The following DRG1 variants were observed in gnomAD, a reference collection of about 807,000 sequenced individuals.
DRG1 encodes the protein developmentally-regulated GTP-binding protein 1.
A neutral mutation model predicts 38.8 loss-of-function variants in DRG1; 19 were observed. The observed-to-expected ratio is 0.49, with a 90% CI of 0.34 to 0.72. The LOEUF (loss-of-function observed/expected upper bound fraction) is 0.72, where lower values mean the gene tolerates loss of function less well. DRG1 is among the 30% of genes least tolerant of loss of function. The pLI is 0.01. For missense variants in DRG1, 299 were observed against 444.8 expected, an observed-to-expected ratio of 0.67 and a Z score of 2.95; for synonymous variants, 167 against 157.5, an observed-to-expected ratio of 1.06 and a Z score of -0.45.
intron 2 of DRG1, 118 bp downstream of exon 2, chr22:31,400,861 C>T (rs1245041168): frequency 8.1e-7 from 1 of 1,228,920 alleles, no homozygotes; most frequent in East Asian, 3.2e-5. Flanking sequence ...GCCTGCAATC[C>T]TAGCATGCTG....
chr22:31,412,307 C>A (rs1198880977), intron 4 of DRG1, among the ~76,000 whole-genome samples: 3 of 149,986 alleles, frequency 2.0e-5, no homozygotes, highest in African/African-American at 7.3e-5. Context: ...CAAACTAATT[C>A]TTGGTTTGGG....
Position 31,433,911 on chromosome 22 carries a change from G to T in DRG1, c.1044G>T (p.Gln348His). 1 of 1,614,092 alleles carries T rather than the reference G, an allele frequency of 6.2e-7. No homozygotes were observed. Among genetic ancestry groups the T allele is most frequent in the African/African-American group, 1.3e-5 (1 of 75,050 alleles). The change falls in exon 9 of 9, where the codon CAG becomes CAT. Residue 348 changes from glutamine to histidine, a missense_variant. By Grantham distance (24) the Gln-to-His change is conservative. Around this residue, in one of 3 missense-constraint regions of DRG1, gnomAD observed 198 missense variants for 268.1 expected, o/e 0.74. Coordinates refer to ENST00000331457, the MANE Select transcript of DRG1 (RefSeq NM_004147.4). ...VWGLSVKHNP[Q>H]KVGKDHTLED... is the part of the protein sequence containing the mutation. ...GTCTCTCTGTGAAACACAATCCTCAGAAAGTGGGTAAAGACCATACGTTGG... is the reference window on the plus strand; with the variant it reads ...GTCTCTCTGTGAAACACAATCCTCATAAAGTGGGTAAAGACCATACGTTGG...
intron 3 of DRG1, among the ~76,000 whole-genome samples, chr22:31,405,830 AG>A (rs745750565): frequency 1.6e-4 from 24 of 151,910 alleles, no homozygotes; most frequent in Non-Finnish European, 3.1e-4. Flanking sequence ...CTGGGATTAC[AG>A]GTGCCCACCA....
intron 3 of DRG1, among the ~76,000 whole-genome samples, chr22:31,409,333 C>T (rs981760629): frequency 3.3e-5 from 5 of 152,074 alleles, no homozygotes; most frequent in Non-Finnish European, 7.3e-5. Context: ...AATCTGCCTG[C>T]TTCGGCCTCT....
chr22:31,420,244 C>A lies in DRG1; in HGVS notation c.413-12C>A. The A allele has an allele frequency of 6.2e-7, 1 of 1,605,210 alleles. No individual in the cohort carries two copies. The highest frequency in any genetic ancestry group is 1.7e-5 in the Admixed American group (1 of 58,234). Reference sequence around the variant, plus strand: ...TGAACTTTCTTGCGTATGTTTTTTTCTTACTCTTCAGTGGCCCGAACCTGT... The same window carrying A: ...TGAACTTTCTTGCGTATGTTTTTTTATTACTCTTCAGTGGCCCGAACCTGT... On this transcript the variant is annotated splice_polypyrimidine_tract_variant and intron_variant, in intron 4 of 8. Coordinates refer to ENST00000331457, the MANE Select transcript of DRG1 (RefSeq NM_004147.4).
intron 7 of DRG1, 44 bp downstream of exon 7, chr22:31,426,826 A>G (rs1229816072): frequency 3.8e-6 from 6 of 1,594,458 alleles, no homozygotes; most frequent in Non-Finnish European, 5.1e-6. Context: ...GGAATTAACC[A>G]GACTGTCCTA....
chr22:31,429,975 C>T (rs2050130443), intron 8 of DRG1, among the ~76,000 whole-genome samples: 1 of 152,068 alleles, frequency 6.6e-6, no homozygotes. Context: ...CAATGTTGCC[C>T]AGGCTTCTCA....
intron 4 of DRG1, among the ~76,000 whole-genome samples, chr22:31,416,947 C>T (rs1444790320): frequency 1.3e-5 from 2 of 151,698 alleles, no homozygotes; most frequent in Non-Finnish European, 2.9e-5. Context: ...CTTCTGTAGT[C>T]CCAGCTGTTC....
rs371158350 is a variant in DRG1 at position 31,413,089 on chromosome 22, T to G, written c.412+2008T>G. Among the ~76,000 whole-genome samples, 25 of 152,166 alleles carry G rather than the reference T, an allele frequency of 1.6e-4. No individual in the cohort carries two copies. The East Asian group carries it at 3.5e-3, about 21-fold the overall frequency. ...GAATGCTGGACTTCTGGGTTTATAATTTTCTTAATTTTCTTTTTTTATAAA... is the reference window on the plus strand; with the variant it reads ...GAATGCTGGACTTCTGGGTTTATAAGTTTCTTAATTTTCTTTTTTTATAAA... On this transcript the variant is annotated intron_variant, in intron 4 of 8. Coordinates refer to ENST00000331457, the MANE Select transcript of DRG1 (RefSeq NM_004147.4).
chr22:31,407,970 A>C (rs1047286258), intron 3 of DRG1, among the ~76,000 whole-genome samples: 10 of 149,164 alleles, frequency 6.7e-5, no homozygotes, highest in African/African-American at 1.7e-4. Context: ...AAAATACACA[A>C]AAAAAATTAG....
At chr22:31,433,125 G>A (rs1309260185) in intron 8 of DRG1, among the ~76,000 whole-genome samples, 1 of 151,926 alleles carries the variant, frequency 6.6e-6, no homozygotes, top group East Asian at 1.9e-4. Context: ...GGCTGAAGAG[G>A]GAGGCCCTAA....
chr22:31,405,214 G>A (rs545841376), intron 3 of DRG1, among the ~76,000 whole-genome samples: 2 of 151,428 alleles, frequency 1.3e-5, no homozygotes, highest in African/African-American at 4.8e-5. Flanking sequence ...TGTCACCCAG[G>A]CTGGAGTGCA....
intron 2 of DRG1, 56 bp from the exon 3 acceptor site, chr22:31,402,973 A>C: frequency 6.5e-7 from 1 of 1,532,462 alleles, no homozygotes; most frequent in South Asian, 1.3e-5. Context: ...AAGTTATATG[A>C]GTCTTAACAC....
intron 6 of DRG1, 122 bp from the exon 7 acceptor site, chr22:31,426,493 C>A: frequency 1.3e-6 from 1 of 765,350 alleles, no homozygotes. Flanking sequence ...TCTGGCTGAT[C>A]TGCTACTTAC....
intron 4 of DRG1, among the ~76,000 whole-genome samples, chr22:31,414,884 ATCCT>A (rs1019800941): frequency 4.0e-5 from 6 of 151,394 alleles, no homozygotes; most frequent in East Asian, 2.0e-4. Context: ...GGATCAGGTG[ATCCT>A]TCCTTCTTAG....
At chr22:31,409,305 G>A (rs1359102255) in intron 3 of DRG1, among the ~76,000 whole-genome samples, 1 of 151,886 alleles carries the variant, frequency 6.6e-6, no homozygotes, top group Non-Finnish European at 1.5e-5. Flanking sequence ...GGATGGTCTC[G>A]AACTCCTGAG....
chr22:31,403,559 C>T (rs2049974055), intron 3 of DRG1, among the ~76,000 whole-genome samples: 1 of 152,104 alleles, frequency 6.6e-6, no homozygotes, highest in African/African-American at 2.4e-5. Flanking sequence ...CCCAGCAACT[C>T]GGGAGGCTGA....
chr22:31,406,162 C>T (rs966683363), intron 3 of DRG1, among the ~76,000 whole-genome samples: 9 of 151,646 alleles, frequency 5.9e-5, no homozygotes, highest in African/African-American at 1.9e-4. Context: ...CCACCATGCC[C>T]GACTAATTTT....
chr22:31,417,069 A>AT (rs896855720), intron 4 of DRG1, among the ~76,000 whole-genome samples: 21 of 149,924 alleles, frequency 1.4e-4, no homozygotes, highest in Admixed American at 6.0e-4. Context: ...GTCTCAAAAA[A>AT]AAAAATAATA....
Sources: allele counts gnomAD v4.1 joint callset (sites outside exome capture counted in the v4.1 genomes callset), GRCh38; gene constraint gnomAD v4.1.1; regional missense constraint gnomAD v4.1.1; transcripts MANE v1.5; gene names NCBI Gene and HGNC (gene_info 2026-07-23, HGNC 2026-07-21).